Variants in ZNF207 observed in about 807,000 individuals in gnomAD.
ZNF207 encodes BUB3-interacting and GLEBS motif-containing protein ZNF207.
ZNF207 carries 24 observed loss-of-function variants against 60.2 expected under a neutral mutation model. The observed-to-expected ratio is 0.40, with a 90% confidence interval of 0.29 to 0.56. ZNF207 has a LOEUF of 0.56. Among genes scored for constraint, ZNF207 ranks in the 20% least tolerant of loss-of-function variants. The probability of loss-of-function intolerance (pLI) is 0.49; values close to 1 mark genes in which losing one functional copy is unlikely to be tolerated. For missense variants in ZNF207, 452 were observed against 636.6 expected (o/e 0.71, Z 3.12); for synonymous variants, 236 against 194.7 (o/e 1.21, Z -1.77).
In ZNF207 at chr17:32,355,161, G is replaced by A. The variant is rs148609782; in HGVS notation, c.168+3249G>A. ...CCTGTAATCAGCACTTTGGTAGGCC[G>A]AGATGGACTAATCACTTGATCCTAA... On this transcript the variant is annotated intron_variant, in intron 2 of 11. Transcript: ENST00000394670. 5.7e-4 allele frequency among the ~76,000 whole-genome samples: 87 copies of A among 152,286 alleles called. 1 individual carries two copies. Among genetic ancestry groups the A allele is most frequent in the African/African-American group, 2.0e-3 (84 of 41,552 alleles).
At position 32,378,275 on chromosome 17, in the gene ZNF207, A is replaced by G. The variant is rs1905749218; in HGVS notation, c.*8516A>G. ...TTGGCTATGCCCTTGTTGATAGATG[A>G]TATGGAGTCCAGGGCTTTGGGTCCA... On this transcript the variant is annotated 3_prime_UTR_variant, in exon 12 of 12. Coordinates refer to ENST00000394670, the MANE Select transcript of ZNF207 (RefSeq NM_001098507.2). 1 of 152,020 alleles carries G rather than the reference A, an allele frequency of 6.6e-6. No homozygotes were observed. Among genetic ancestry groups the G allele is most frequent in the Non-Finnish European group, 1.5e-5 (1 of 67,906 alleles). 9.4% of individuals were successfully genotyped at this position (152,020 alleles called of 1,614,324 possible).
chr17:32,361,391 G>C, intron 5 of ZNF207, 77 bp from the exon 6 acceptor site: 1 of 1,222,882 alleles, frequency 8.2e-7, no homozygotes, highest in Non-Finnish European at 1.2e-6. Context: ...TGTTGGATGT[G>C]AGAGGTATAC....
At chr17:32,364,780 C>T (rs115297365) in intron 7 of ZNF207, among the ~76,000 whole-genome samples, 1 of 152,134 alleles carries the variant, frequency 6.6e-6, no homozygotes, top group Admixed American at 6.5e-5. Context: ...AATTGCCAGG[C>T]AGTTCCATAT....
rs73272808 is a variant in ZNF207 at position 32,351,337 on chromosome 17, A to C, written c.42-449A>C. On this transcript the variant is annotated intron_variant, in intron 1 of 11. Transcript: ENST00000394670. The stretch of plus-strand genomic sequence containing the variant: ...ATTATGTGATTATTGTTCACCATAT[A>C]GTTACTCTTAGATTCTAAATATTGC... The C allele has an allele frequency of 7.0e-3, 4,330 of 618,210 alleles. 127 individuals carry two copies. The African/African-American group carries it at 0.073, about 10-fold the overall frequency. The allele number at this position is 618,210 out of a possible 1,614,324, so 38.3% of individuals were successfully genotyped here.
At position 32,372,831 on chromosome 17, in the gene ZNF207, C is replaced by G. The variant is rs1286604109; in HGVS notation, c.*3072C>G. On this transcript the variant is annotated 3_prime_UTR_variant, in exon 12 of 12. Transcript: ENST00000394670. ...AGATGAAGTTGAGTCAAAGTGGATG[C>G]CAACTGCCCTCACAGAAGACAACTT... 7 of 152,126 alleles carry G rather than the reference C, an allele frequency of 4.6e-5. No individual in the cohort carries two copies. Among genetic ancestry groups the G allele is most frequent in the Non-Finnish European group, 1.0e-4 (7 of 68,036 alleles). The allele number at this position is 152,126 out of a possible 1,614,324, so 9.4% of individuals were successfully genotyped here. A position where few individuals can be genotyped will look rare whatever the true frequency, so the allele number is the denominator to read the frequency against.
intron 7 of ZNF207, 106 bp downstream of exon 7, chr17:32,363,090 G>A: frequency 1.0e-6 from 1 of 998,050 alleles, no homozygotes; most frequent in Non-Finnish European, 1.4e-6. Flanking sequence ...ATTTTTGAAA[G>A]TTGCAAGTTC....
intron 7 of ZNF207, among the ~76,000 whole-genome samples, chr17:32,363,885 T>C (rs954698511): frequency 6.6e-6 from 1 of 151,972 alleles, no homozygotes; most frequent in Non-Finnish European, 1.5e-5. Flanking sequence ...AACAAAAAAG[T>C]GGTAGATTCA....
chr17:32,356,204 T>C (rs1904495464), intron 2 of ZNF207, among the ~76,000 whole-genome samples: 1 of 152,194 alleles, frequency 6.6e-6, no homozygotes, highest in South Asian at 2.1e-4. Context: ...ACCAAGACGC[T>C]ATGACTTTGC....
intron 1 of ZNF207, chr17:32,351,254 G>T: frequency 5.5e-6 from 1 of 183,380 alleles, no homozygotes; most frequent in Non-Finnish European, 1.1e-5. Context: ...TAAATACATT[G>T]CTTGGCAACA....
At chr17:32,369,190 T>G (rs1597793866) in intron 10 of ZNF207, 105 bp from the exon 11 acceptor site, 5 of 1,350,814 alleles carry the variant, frequency 3.7e-6, no homozygotes, top group East Asian at 4.7e-5. Context: ...TAAGGGTAAA[T>G]TTTTGAAAAT....
chr17:32,361,513 C>G lies in ZNF207; in HGVS notation c.597C>G (p.Asn199Lys), dbSNP rs953867393. Residue 199 changes from asparagine to lysine, a missense_variant and splice_region_variant, in exon 6 of 12, where the codon AAC (asparagine) becomes AAG (lysine). This residue lies in a region of ZNF207 where 390 missense variants were observed against 461.4 expected (regional missense o/e 0.85). Coordinates refer to ENST00000394670, the MANE Select transcript of ZNF207 (RefSeq NM_001098507.2). The stretch of plus-strand genomic sequence containing the variant: ...ACACCCAGTCATTTTGCGGTGAAAA[C>G]ATGTAAGCATCTCATTCATAATGTA... ...RKYTQSFCGENIMMPMGGMMP... is the reference protein window; with the variant it reads ...RKYTQSFCGEKIMMPMGGMMP... 1.2e-6 allele frequency: 2 copies of G among 1,606,762 alleles called. No individual in the cohort carries two copies. The highest frequency in any genetic ancestry group is 2.7e-5 in the African/African-American group (2 of 74,760).
chr17:32,357,163 CAG>C (rs1292379196), intron 2 of ZNF207, among the ~76,000 whole-genome samples: 2 of 145,900 alleles, frequency 1.4e-5, no homozygotes, highest in African/African-American at 5.1e-5. Context: ...GCTTGGGTGG[CAG>C]AGTGAGACCC....
In ZNF207 at chr17:32,378,946, A is replaced by G. The variant is rs985404367; in HGVS notation, c.*9187A>G. On this transcript the variant is annotated 3_prime_UTR_variant, in exon 12 of 12. Coordinates refer to ENST00000394670, the MANE Select transcript of ZNF207 (RefSeq NM_001098507.2). The stretch of plus-strand genomic sequence containing the variant: ...GAGACGATCTAGCCATAAAACTAGT[A>G]ATCTTGAATTCCTCTTGAGCTGGAT... The G allele has an allele frequency of 1.3e-5, 2 of 152,134 alleles. No individual in the cohort carries two copies. The highest frequency in any genetic ancestry group is 2.9e-5 in the Non-Finnish European group (2 of 67,948). 9.4% of individuals were successfully genotyped at this position (152,134 alleles called of 1,614,324 possible). A position where few individuals can be genotyped will look rare whatever the true frequency, so the allele number is the denominator to read the frequency against.
At chr17:32,357,756 C>T (rs1234211758) in intron 2 of ZNF207, among the ~76,000 whole-genome samples, 3 of 152,108 alleles carry the variant, frequency 2.0e-5, no homozygotes, top group Non-Finnish European at 4.4e-5. Flanking sequence ...ATGCCTCAGC[C>T]TGTCGAGTGA....
At position 32,353,873 on chromosome 17, in the gene ZNF207, G is replaced by A. The variant is rs114697524; in HGVS notation, c.168+1961G>A. Among the ~76,000 whole-genome samples the A allele has an allele frequency of 4.5e-3, 681 of 151,404 alleles. 5 individuals carry two copies. Among genetic ancestry groups the A allele is most frequent in the African/African-American group, 0.015 (625 of 41,092 alleles). Reference sequence around the variant, plus strand: ...CCTACTACATGTTAGACTCACAGCTGTTCACTGTTGCAGCCATTAGTTACA... The same window carrying A: ...CCTACTACATGTTAGACTCACAGCTATTCACTGTTGCAGCCATTAGTTACA... On this transcript the variant is annotated intron_variant, in intron 2 of 11. Transcript: ENST00000394670.
intron 6 of ZNF207, among the ~76,000 whole-genome samples, chr17:32,362,172 G>T (rs1331423558): frequency 6.7e-6 from 1 of 149,828 alleles, no homozygotes; most frequent in African/African-American, 2.5e-5. Flanking sequence ...GTATGTATTT[G>T]ACACAGGGTC....
intron 1 of ZNF207, chr17:32,350,991 C>T (rs1189504114): frequency 1.3e-5 from 2 of 152,514 alleles, no homozygotes; most frequent in African/African-American, 2.4e-5. Context: ...ATTAGGAAAA[C>T]TCTTACTACA....
chr17:32,370,083 G>C lies in ZNF207; in HGVS notation c.*324G>C, dbSNP rs535465439. The C allele has an allele frequency of 1.6e-5, 3 of 190,222 alleles. No homozygotes were observed. In the East Asian group the frequency reaches 3.8e-4, roughly 24 times the overall value. 11.8% of individuals were successfully genotyped at this position (190,222 alleles called of 1,614,324 possible). A position where few individuals can be genotyped will look rare whatever the true frequency, so the allele number is the denominator to read the frequency against. On this transcript the variant is annotated 3_prime_UTR_variant, in exon 12 of 12. Transcript: ENST00000394670. ...ACATGAACATACCACCCTAGTAAAG[G>C]CAAGTTCTGTAAGCTTACATTGCTA...
Position 32,373,169 on chromosome 17 carries a change from A to C in ZNF207, c.*3410A>C. 2.4e-6 allele frequency: 1 copy of C among 410,140 alleles called. No homozygotes were observed. The highest frequency in any genetic ancestry group is 4.4e-6 in the Non-Finnish European group (1 of 229,868). 25.4% of individuals were successfully genotyped at this position (410,140 alleles called of 1,614,324 possible). ...CTGTACTCCTATTCCACTAAGTTACATTTTGAACTTAGACTCACCTTAATT... is the reference window on the plus strand; with the variant it reads ...CTGTACTCCTATTCCACTAAGTTACCTTTTGAACTTAGACTCACCTTAATT... On this transcript the variant is annotated 3_prime_UTR_variant, in exon 12 of 12. Coordinates refer to ENST00000394670, the MANE Select transcript of ZNF207 (RefSeq NM_001098507.2).
Sources: gnomAD v4.1 joint callset for allele counts (sites outside exome capture counted in the v4.1 genomes callset) on GRCh38, gnomAD v4.1.1 for gene constraint, gnomAD v4.1.1 regional missense constraint, MANE v1.5 for transcripts, NCBI Gene and HGNC (gene_info 2026-07-23, HGNC 2026-07-21) for gene names.